The following WWP1 variants were observed in gnomAD, a reference collection of about 807,000 sequenced individuals.
WWP1 encodes the protein NEDD4-like E3 ubiquitin-protein ligase WWP1.
A neutral mutation model predicts 130.6 loss-of-function variants in WWP1; 49 were observed. That is an observed-to-expected ratio of 0.38 (90% confidence interval 0.30 to 0.48). The LOEUF (loss-of-function observed/expected upper bound fraction) is 0.48, where lower values mean the gene tolerates loss of function less well. Among genes scored for constraint, WWP1 ranks in the 20% least tolerant of loss-of-function variants. The pLI, the probability that WWP1 is intolerant of heterozygous loss-of-function variation, is 0.99. For synonymous variants in WWP1, 332 were observed against 367.8 expected, an observed-to-expected ratio of 0.90 and a Z score of 1.11; for missense variants, 809 against 1,100.6, an observed-to-expected ratio of 0.74 and a Z score of 3.75.
intron 1 of WWP1, among the ~76,000 whole-genome samples, chr8:86,358,778 G>A (rs904530465): frequency 6.6e-6 from 1 of 152,014 alleles, no homozygotes; most frequent in Non-Finnish European, 1.5e-5. Flanking sequence ...CAAGGTGCTA[G>A]GATTATGGGT....
Position 86,435,504 on chromosome 8 carries a change from G to T in WWP1, c.1654G>T (p.Ala552Ser). The T allele has an allele frequency of 6.2e-7, 1 of 1,614,098 alleles. No individual in the cohort carries two copies. The highest frequency in any genetic ancestry group is 2.2e-5 in the East Asian group (1 of 44,858). ...TGAACGCGGCTTTAGGTGGAAGCTT[G>T]CTCACTTCCGTTATTTGTGCCAGGT... ...AYERGFRWKLAHFRYLCQSNA... is the reference protein window; with the variant it reads ...AYERGFRWKLSHFRYLCQSNA... The change falls in exon 15 of 25, where the codon GCT (alanine) becomes TCT (serine). Residue 552 changes from alanine to serine, a missense_variant. Physicochemically the swap from Ala to Ser is moderately conservative, Grantham distance 99. This residue lies in a region of WWP1 where 450 missense variants were observed against 674.2 expected (regional missense o/e 0.67). Transcript: ENST00000517970.
At chr8:86,403,741 TAAA>T (rs1015260129) in intron 8 of WWP1, among the ~76,000 whole-genome samples, 1 of 142,398 alleles carries the variant, frequency 7.0e-6, no homozygotes, top group Admixed American at 7.1e-5. Flanking sequence ...ATGCTCCCCT[TAAA>T]AAAAAAAAAA....
chr8:86,411,117 C>G (rs555193143), intron 8 of WWP1, among the ~76,000 whole-genome samples: 4 of 152,216 alleles, frequency 2.6e-5, no homozygotes, highest in Admixed American at 2.6e-4. Flanking sequence ...CATACAGTTC[C>G]TACTATTGGC....
intron 1 of WWP1, among the ~76,000 whole-genome samples, chr8:86,345,196 T>G (rs554880478): frequency 8.7e-4 from 133 of 152,322 alleles, no homozygotes; most frequent in African/African-American, 3.1e-3. Flanking sequence ...CCAGGTTGGT[T>G]GGGAGAACAG....
At chr8:86,447,753 C>CT (rs1474476944) in intron 18 of WWP1, among the ~76,000 whole-genome samples, 3 of 152,064 alleles carry the variant, frequency 2.0e-5, no homozygotes, top group Non-Finnish European at 4.4e-5. Flanking sequence ...GGGGTTAGTC[C>CT]TAAAAGCCTC....
At chr8:86,399,624 G>A (rs1807859921) in intron 7 of WWP1, among the ~76,000 whole-genome samples, 1 of 151,996 alleles carries the variant, frequency 6.6e-6, no homozygotes, top group Non-Finnish European at 1.5e-5. Context: ...ATGTATATTT[G>A]GCTTAAGTAC....
In WWP1 at chr8:86,436,448, C is replaced by T. The variant is rs572020301; in HGVS notation, c.1749+744C>T. Among the ~76,000 whole-genome samples, 7 of 152,268 alleles carry T rather than the reference C, an allele frequency of 4.6e-5. No homozygotes were observed. The South Asian group carries it at 1.5e-3, about 32-fold the overall frequency. On this transcript the variant is annotated intron_variant, in intron 16 of 24. Coordinates refer to ENST00000517970, the MANE Select transcript of WWP1 (RefSeq NM_007013.4). ...TAAGATGGCAGTCCTTCTCTTCTCCCTCACAGTCACATTCCAGCCATTTAT... is the reference window on the plus strand; with the variant it reads ...TAAGATGGCAGTCCTTCTCTTCTCCTTCACAGTCACATTCCAGCCATTTAT...
intron 5 of WWP1, among the ~76,000 whole-genome samples, chr8:86,386,292 G>T (rs1162517356): frequency 2.6e-5 from 4 of 152,150 alleles, no homozygotes; most frequent in South Asian, 4.1e-4. Context: ...TATATCTAAG[G>T]TAGCTACTAA....
intron 1 of WWP1, among the ~76,000 whole-genome samples, chr8:86,346,709 GT>G (rs1443735538): frequency 2.0e-5 from 3 of 152,034 alleles, no homozygotes; most frequent in Non-Finnish European, 2.9e-5. Context: ...AAAGACTGTT[GT>G]TTTTTACTCT....
intron 8 of WWP1, among the ~76,000 whole-genome samples, chr8:86,403,484 A>G (rs926459864): frequency 1.1e-4 from 16 of 151,938 alleles, no homozygotes; most frequent in Admixed American, 3.3e-4. Flanking sequence ...TAGTAGAGAT[A>G]GGGTTTCACC....
intron 1 of WWP1, among the ~76,000 whole-genome samples, chr8:86,349,594 T>G (rs1822798488): frequency 6.6e-6 from 1 of 152,200 alleles, no homozygotes; most frequent in South Asian, 2.1e-4. Context: ...AGTCTGAGCA[T>G]GCCACAGGGA....
intron 5 of WWP1, among the ~76,000 whole-genome samples, chr8:86,383,527 A>C (rs1441064394): frequency 6.6e-6 from 1 of 152,182 alleles, no homozygotes; most frequent in African/African-American, 2.4e-5. Flanking sequence ...GGATCACCTG[A>C]GGTCAAGAGT....
intron 18 of WWP1, among the ~76,000 whole-genome samples, chr8:86,446,273 C>G (rs982627271): frequency 6.6e-6 from 1 of 152,106 alleles, no homozygotes; most frequent in Admixed American, 6.5e-5. Context: ...TGAGCCACTG[C>G]GCCCAGCAGC....
chr8:86,459,197 G>T (rs921704646), intron 22 of WWP1, among the ~76,000 whole-genome samples: 20 of 151,440 alleles, frequency 1.3e-4, no homozygotes, highest in Middle Eastern at 3.5e-3. Flanking sequence ...CACCATGCCC[G>T]GCTAGTTTTT....
chr8:86,355,599 T>C (rs768145496), intron 1 of WWP1, among the ~76,000 whole-genome samples: 19 of 152,234 alleles, frequency 1.2e-4, no homozygotes, highest in South Asian at 4.1e-4. Flanking sequence ...GAGAATGTCA[T>C]GTTGTCCTGA....
rs371276495 is a variant in WWP1 at position 86,461,352 on chromosome 8, C to T, written c.2596+32C>T. 4.2e-4 allele frequency: 665 copies of T among 1,571,814 alleles called. 10 individuals carry two copies. The South Asian group carries it at 6.4e-3, about 15-fold the overall frequency. On this transcript the variant is annotated intron_variant, in intron 23 of 24. Transcript: ENST00000517970. ...GTAATTTCACTGTAATTTCTCTGTA[C>T]GTAATTTTGTGATAATAATGGCCTT...
chr8:86,388,293 C>G (rs1825406659), intron 5 of WWP1, among the ~76,000 whole-genome samples: 1 of 151,412 alleles, frequency 6.6e-6, no homozygotes, highest in Admixed American at 6.6e-5. Context: ...AAATGTTGCC[C>G]AGGCCAGTGG....
intron 5 of WWP1, among the ~76,000 whole-genome samples, chr8:86,396,697 G>A (rs1057290246): frequency 6.6e-6 from 1 of 151,644 alleles, no homozygotes; most frequent in East Asian, 1.9e-4. Context: ...GGGCTTACAG[G>A]ATCCTCTCAT....
intron 1 of WWP1, among the ~76,000 whole-genome samples, chr8:86,361,475 C>G (rs776604277): frequency 7.9e-5 from 12 of 152,136 alleles, no homozygotes; most frequent in Non-Finnish European, 1.5e-4. Context: ...TATTCCTTCT[C>G]TGCTGAAAAT....
Sources: gnomAD v4.1 joint callset for allele counts (sites outside exome capture counted in the v4.1 genomes callset) on GRCh38, gnomAD v4.1.1 for gene constraint, gnomAD v4.1.1 regional missense constraint, MANE v1.5 for transcripts, NCBI Gene and HGNC (gene_info 2026-07-23, HGNC 2026-07-21) for gene names.